Variants in VKORC1L1 observed in about 807,000 individuals in gnomAD.
The protein encoded by VKORC1L1 is vitamin K epoxide reductase complex subunit 1-like protein 1.
In VKORC1L1, 2 loss-of-function variants were observed where a neutral mutation model predicts 18.9. The ratio of observed to expected loss-of-function variants is 0.11; its 90% CI spans 0.04 to 0.33. The LOEUF (loss-of-function observed/expected upper bound fraction) is 0.33. Among genes scored for constraint, VKORC1L1 ranks in the 10% least tolerant of loss-of-function variants. The probability of loss-of-function intolerance (pLI) is 1.00; values close to 1 mark genes in which losing one functional copy is unlikely to be tolerated. For synonymous variants in VKORC1L1, 96 were observed against 100.0 expected, an observed-to-expected ratio of 0.96 and a Z score of 0.24; for missense variants, 123 against 224.1, an observed-to-expected ratio of 0.55 and a Z score of 2.88.
chr7:65,957,823 T>C lies in VKORC1L1; in HGVS notation c.*3523T>C, dbSNP rs1388412026. The C allele has an allele frequency of 3.3e-5, 5 of 152,168 alleles. No individual in the cohort carries two copies. Among genetic ancestry groups the C allele is most frequent in the Non-Finnish European group, 7.3e-5 (5 of 68,030 alleles). 9.4% of individuals were successfully genotyped at this position (152,168 alleles called of 1,614,324 possible). ...CTCCAGCCTGGGCAATGAGTGAAAC[T>C]CTGTCTCAAATAAAAAAATAAAAAT... On this transcript the variant is annotated 3_prime_UTR_variant, in exon 3 of 3. Coordinates refer to ENST00000360768, the MANE Select transcript of VKORC1L1 (RefSeq NM_173517.6).
At chr7:65,948,548 A>C (rs1261374961) in intron 1 of VKORC1L1, 123 bp from the exon 2 acceptor site, 1 of 365,646 alleles carries the variant, frequency 2.7e-6, no homozygotes, top group Non-Finnish European at 4.8e-6. Flanking sequence ...CTCTCAACAC[A>C]GGACATTTAA....
At chr7:65,896,836 T>C (rs1789221995) in intron 1 of VKORC1L1, among the ~76,000 whole-genome samples, 1 of 151,894 alleles carries the variant, frequency 6.6e-6, no homozygotes, top group Admixed American at 6.6e-5. Context: ...CTGTCTCTAT[T>C]AAAAATACAA....
At chr7:65,882,272 G>A (rs1159646442) in intron 1 of VKORC1L1, among the ~76,000 whole-genome samples, 1 of 151,828 alleles carries the variant, frequency 6.6e-6, no homozygotes, top group Non-Finnish European at 1.5e-5. Context: ...TCAGCTACTC[G>A]GGAGGCTGAG....
intron 1 of VKORC1L1, among the ~76,000 whole-genome samples, chr7:65,908,954 C>G (rs1050019694): frequency 2.0e-5 from 3 of 150,776 alleles, no homozygotes; most frequent in Admixed American, 2.0e-4. Flanking sequence ...ATTTATTCAG[C>G]TGAATTACGT....
the VKORC1L1 span, among the ~76,000 whole-genome samples, chr7:65,866,362 A>G: frequency 6.6e-6 from 1 of 152,208 alleles, no homozygotes; most frequent in African/African-American, 2.4e-5. Flanking sequence ...TTGTCCTCGC[A>G]TAGTGAAGGA....
intron 1 of VKORC1L1, among the ~76,000 whole-genome samples, chr7:65,875,721 A>T (rs1788816686): frequency 1.3e-5 from 2 of 152,154 alleles, no homozygotes; most frequent in South Asian, 4.1e-4. Context: ...CTAGCCTGAA[A>T]CAGACTTTAA....
At chr7:65,891,508 A>G (rs1789110981) in intron 1 of VKORC1L1, among the ~76,000 whole-genome samples, 1 of 151,898 alleles carries the variant, frequency 6.6e-6, no homozygotes, top group Non-Finnish European at 1.5e-5. Context: ...CTTTTGGCTA[A>G]TTTTCTGGTT....
In VKORC1L1 at chr7:65,937,026, A is replaced by T. The variant is rs572470640; in HGVS notation, c.195-11645A>T. On this transcript the variant is annotated intron_variant, in intron 1 of 2. Coordinates refer to ENST00000360768, the MANE Select transcript of VKORC1L1 (RefSeq NM_173517.6). ...AAGGCCAAGAGGGAAAAAATAATGA[A>T]TGTGAAAGTACGCTGTCATCATGCT... 2.0e-4 allele frequency among the ~76,000 whole-genome samples: 31 copies of T among 152,288 alleles called. No individual in the cohort carries two copies. The South Asian group carries it at 6.2e-3, about 31-fold the overall frequency.
rs1185867918 is a variant in VKORC1L1, at chr7:65,895,498, T to A, written c.194+21933T>A. On this transcript the variant is annotated intron_variant, in intron 1 of 2. Coordinates refer to ENST00000360768, the MANE Select transcript of VKORC1L1 (RefSeq NM_173517.6). ...AAAAAAAAATATATATATATATATA[T>A]ATATATATATATATATATACACACA... Among the ~76,000 whole-genome samples the A allele has an allele frequency of 2.5e-4, 24 of 97,256 alleles. 3 individuals are homozygous for A. Among genetic ancestry groups the A allele is most frequent in the East Asian group, 2.1e-3 (6 of 2,814 alleles). The allele number at this position is 97,256 out of a possible 152,430, so 63.8% of individuals were successfully genotyped here. A position where few individuals can be genotyped will look rare whatever the true frequency, so the allele number is the denominator to read the frequency against.
intron 1 of VKORC1L1, among the ~76,000 whole-genome samples, chr7:65,895,516 T>TACACACACACAC (rs1554395162): frequency 3.1e-4 from 22 of 71,586 alleles, no homozygotes; most frequent in Admixed American, 5.9e-4. Context: ...TATATATATA[T>TACACACACACAC]ACACACACAC....
chr7:65,889,988 A>ACT (rs1789084058), intron 1 of VKORC1L1, among the ~76,000 whole-genome samples: 1 of 151,492 alleles, frequency 6.6e-6, no homozygotes, highest in South Asian at 2.1e-4. Context: ...ACTGAGTTTC[A>ACT]CTCTTGTCAC....
In VKORC1L1 at chr7:65,955,396, A is replaced by G. The variant is rs1790278433; in HGVS notation, c.*1096A>G. 6.6e-6 allele frequency: 1 copy of G among 152,208 alleles called. No homozygotes were observed. The highest frequency in any genetic ancestry group is 1.5e-5 in the Non-Finnish European group (1 of 68,044). The allele number at this position is 152,208 out of a possible 1,614,324, so 9.4% of individuals were successfully genotyped here. On this transcript the variant is annotated 3_prime_UTR_variant, in exon 3 of 3. Coordinates refer to ENST00000360768, the MANE Select transcript of VKORC1L1 (RefSeq NM_173517.6). ...GTCTAATTTAATTGTTTTGCAGTCA[A>G]ATACTGGATTTGTAACCTTCAGGGC...
intron 1 of VKORC1L1, among the ~76,000 whole-genome samples, chr7:65,895,466 AAAAAAAAAAAAAAAATATATAT>A (rs1278134341): frequency 4.0e-5 from 2 of 50,338 alleles, no homozygotes; most frequent in Admixed American, 2.7e-4. Flanking sequence ...AAAAAAAAAA[AAAAAAAAAAAAAAAATATATAT>A]ATATATATAT....
rs565065097 is a variant in VKORC1L1 at position 65,899,129 on chromosome 7, G to T, written c.194+25564G>T. ...TCATTTCAACCAATATTAAATGCCA[G>T]TTTGGGCAGCAAAACAACTTTCTGC... On this transcript the variant is annotated intron_variant, in intron 1 of 2. Transcript: ENST00000360768. Among the ~76,000 whole-genome samples the T allele has an allele frequency of 2.8e-4, 43 of 152,338 alleles. 2 individuals are homozygous for T. Among genetic ancestry groups the T allele is most frequent in the South Asian group, 2.1e-3 (10 of 4,832 alleles).
intron 1 of VKORC1L1, among the ~76,000 whole-genome samples, chr7:65,889,983 G>A (rs963809432): frequency 8.6e-5 from 13 of 151,896 alleles, no homozygotes; most frequent in Non-Finnish European, 1.6e-4. Flanking sequence ...TGGAGACTGA[G>A]TTTCACTCTT....
intron 1 of VKORC1L1, among the ~76,000 whole-genome samples, chr7:65,883,225 T>A (rs1788957779): frequency 7.5e-6 from 1 of 133,256 alleles, no homozygotes; most frequent in Non-Finnish European, 1.5e-5. Context: ...CACTGCAACC[T>A]CCACCTCCCA....
At chr7:65,934,611 G>A (rs1407797292) in intron 1 of VKORC1L1, among the ~76,000 whole-genome samples, 1 of 152,038 alleles carries the variant, frequency 6.6e-6, no homozygotes, top group Non-Finnish European at 1.5e-5. Context: ...GTTTCCACAT[G>A]TAAGTGAAAA....
intron 1 of VKORC1L1, among the ~76,000 whole-genome samples, chr7:65,940,086 G>A (rs552354513): frequency 6.6e-6 from 1 of 151,968 alleles, no homozygotes; most frequent in East Asian, 1.9e-4. Context: ...ATGGAGCGAT[G>A]TGATCCTTGT....
intron 1 of VKORC1L1, among the ~76,000 whole-genome samples, chr7:65,886,138 T>C (rs1354118096): frequency 1.3e-5 from 2 of 152,268 alleles, no homozygotes; most frequent in African/African-American, 2.4e-5. Flanking sequence ...TTATATCATC[T>C]ATCCCTGTTT....
Sources: allele counts gnomAD v4.1 joint callset (sites outside exome capture counted in the v4.1 genomes callset), GRCh38; gene constraint gnomAD v4.1.1; transcripts MANE v1.5; gene names NCBI Gene and HGNC (gene_info 2026-07-23, HGNC 2026-07-21).